The following SLC6A16 variants were observed in gnomAD, a reference collection of about 807,000 sequenced individuals.
SLC6A16 encodes the protein orphan sodium- and chloride-dependent neurotransmitter transporter NTT5.
A neutral mutation model predicts 65.4 loss-of-function variants in SLC6A16; 54 were observed. The ratio of observed to expected loss-of-function variants is 0.83; its 90% CI spans 0.66 to 1.04. SLC6A16 has a LOEUF of 1.04. SLC6A16 is among the 50% of genes least tolerant of loss of function. The pLI, the probability that SLC6A16 is intolerant of heterozygous loss-of-function variation, is 0.00. For synonymous variants in SLC6A16, 330 were observed against 346.5 expected, an observed-to-expected ratio of 0.95 and a Z score of 0.53; for missense variants, 816 against 914.0, an observed-to-expected ratio of 0.89 and a Z score of 1.38.
At chr19:49,324,825 G>A (rs917180166) in intron 1 of SLC6A16, among the ~76,000 whole-genome samples, 1 of 152,236 alleles carries the variant, frequency 6.6e-6, no homozygotes, top group Non-Finnish European at 1.5e-5. Context: ...GACTGGATGA[G>A]TGAGGAGAGC....
At position 49,293,228 on chromosome 19, in the gene SLC6A16, G is replaced by A. The variant is rs534140292; in HGVS notation, c.1773C>T (p.Ala591=). Residue 591 remains alanine (A), a synonymous_variant, in exon 10 of 12, where the codon GCC becomes GCT. Coordinates refer to ENST00000335875, the MANE Select transcript of SLC6A16 (RefSeq NM_014037.3). ...ACCTGGGCTTAGGACATCACCTCCT[G>A]GCCCCATAGGCCCAGGATACAGCCA... ...ETMAVSWAYG[A]RRFLADLTIL... is the part of the protein sequence containing the mutation. 6.2e-7 allele frequency: 1 copy of A among 1,614,024 alleles called. No homozygotes were observed. Among genetic ancestry groups the A allele is most frequent in the African/African-American group, 1.3e-5 (1 of 75,016 alleles).
At position 49,292,384 on chromosome 19, in the gene SLC6A16, G is replaced by T. The variant is rs1390769469; in HGVS notation, c.1778+839C>A. 6.6e-6 allele frequency among the ~76,000 whole-genome samples: 1 copy of T among 152,068 alleles called. No individual in the cohort carries two copies. The highest frequency in any genetic ancestry group is 1.9e-4 in the East Asian group (1 of 5,188). On this transcript the variant is annotated intron_variant, in intron 10 of 11. Coordinates refer to ENST00000335875, the MANE Select transcript of SLC6A16 (RefSeq NM_014037.3). The surrounding 1 kb of genome is among the most constrained non-coding windows in gnomAD (Gnocchi z 4.3). ...TCCATCTCAAAAAGAAAGAAAAAAA[G>T]AAATATTACATAGCTTCCAACTCTT...
rs1568524675 is a variant in SLC6A16, at chr19:49,294,020, C to T, written c.1425G>A (p.Glu475=). ...NIETQFLKAS[E]GPKFAFLSFV... ...AGGACAGGAATGCAAACTTTGGGCCCTCGCTAGCCTGCAAAGAGAACAAAG... is the reference window on the plus strand; with the variant it reads ...AGGACAGGAATGCAAACTTTGGGCCTTCGCTAGCCTGCAAAGAGAACAAAG... Residue 475 remains glutamate, a synonymous_variant, in exon 9 of 12, where the codon GAG becomes GAA. Transcript: ENST00000335875. 8 of 1,611,008 alleles carry T rather than the reference C, an allele frequency of 5.0e-6. No individual in the cohort carries two copies. The highest frequency in any genetic ancestry group is 6.8e-6 in the Non-Finnish European group (8 of 1,179,908).
the SLC6A16 span, chr19:49,339,768 T>C: frequency 2.2e-6 from 3 of 1,378,082 alleles, no homozygotes; most frequent in Non-Finnish European, 2.8e-6. This position sits in a 1 kb window ranked among gnomAD's most constrained non-coding sequence, Gnocchi z 4.5. Flanking sequence ...GCCTGATCGC[T>C]GACGGCGGCG....
chr19:49,318,314 G>A (rs887059958), intron 1 of SLC6A16, among the ~76,000 whole-genome samples: 3 of 151,938 alleles, frequency 2.0e-5, no homozygotes, highest in African/African-American at 7.3e-5. Context: ...ATTTAAAGTG[G>A]CATAAACTAG....
chr19:49,329,850 G>T (rs983231223), upstream of SLC6A16, among the ~76,000 whole-genome samples: 1 of 151,936 alleles, frequency 6.6e-6, no homozygotes, highest in Non-Finnish European at 1.5e-5. Context: ...AGCCAGGATG[G>T]TCTCGATCTC....
rs566279148 is a variant in SLC6A16 at position 49,297,227 on chromosome 19, C to T, written c.1230-2674G>A. 3.3e-5 allele frequency among the ~76,000 whole-genome samples: 5 copies of T among 152,082 alleles called. No homozygotes were observed. The Middle Eastern group carries it at 0.017, about 517-fold the overall frequency. ...AATGCTTACAACTCAATAATTTCACCGCCCAAAAAAAACCCTGATTTTTAA... is the reference window on the plus strand; with the variant it reads ...AATGCTTACAACTCAATAATTTCACTGCCCAAAAAAAACCCTGATTTTTAA... On this transcript the variant is annotated intron_variant, in intron 7 of 11. Transcript: ENST00000335875.
intron 1 of SLC6A16, 85 bp from the exon 2 acceptor site, chr19:49,311,496 A>G (rs1015450037): frequency 2.7e-6 from 2 of 746,864 alleles, no homozygotes; most frequent in Non-Finnish European, 4.0e-6. Flanking sequence ...ATCTCCTTAA[A>G]GCAAATTTTA....
At chr19:49,335,375 G>A in the SLC6A16 span, 2 of 635,788 alleles carry the variant, frequency 3.1e-6, no homozygotes, top group African/African-American at 1.8e-5. The surrounding 1 kb of genome is among the most constrained non-coding windows in gnomAD (Gnocchi z 4.6). Context: ...ACATGAAGCG[G>A]GAGTGGGTGG....
the SLC6A16 span, chr19:49,338,261 G>GC: frequency 8.3e-7 from 1 of 1,200,806 alleles, no homozygotes; most frequent in South Asian, 1.7e-5. The surrounding 1 kb of genome is among the most constrained non-coding windows in gnomAD (Gnocchi z 5.0). Context: ...GAGAGACTCC[G>GC]CCCCCGCCCC....
chr19:49,293,889 C>G lies in SLC6A16; in HGVS notation c.1556G>C (p.Gly519Ala). 1 of 1,613,964 alleles carries G rather than the reference C, an allele frequency of 6.2e-7. No homozygotes were observed. The highest frequency in any genetic ancestry group is 1.1e-5 in the South Asian group (1 of 91,064). The part of the protein sequence containing the change: ...GLSSAIGIMQ[G>A]IITPLQDTFS... ...GGTGTCCTGGAGTGGAGTAATGATG[C>G]CCTGCATAATCCCTATTGCGCTGCT... is the stretch of plus-strand genomic sequence containing the variant. The change falls in exon 9 of 12, where the codon GGC (glycine) becomes GCC (alanine). Residue 519 changes from glycine (G) to alanine (A), a missense_variant. Transcript: ENST00000335875.
chr19:49,336,101 A>T, the SLC6A16 span: 1 of 431,040 alleles, frequency 2.3e-6, no homozygotes, highest in Non-Finnish European at 4.2e-6. Context: ...GATGTCATAC[A>T]GCAAGGACGT....
intron 7 of SLC6A16, among the ~76,000 whole-genome samples, chr19:49,300,474 G>C (rs1466922034): frequency 1.3e-5 from 2 of 152,134 alleles, no homozygotes; most frequent in East Asian, 3.8e-4. Context: ...AATTAAGAAT[G>C]CATATTGTGA....
chr19:49,326,669 C>A (rs572056022), upstream of SLC6A16, among the ~76,000 whole-genome samples: 1 of 152,068 alleles, frequency 6.6e-6, no homozygotes, highest in African/African-American at 2.4e-5. Flanking sequence ...CTTCACACAA[C>A]AAGAAAACAG....
chr19:49,323,587 A>G (rs865960291), intron 1 of SLC6A16, among the ~76,000 whole-genome samples: 4 of 152,346 alleles, frequency 2.6e-5, no homozygotes, highest in South Asian at 2.1e-4. Context: ...AGATATACCA[A>G]TCTCCAAGAA....
chr19:49,302,330 C>T (rs976376333), intron 7 of SLC6A16, among the ~76,000 whole-genome samples: 1 of 152,112 alleles, frequency 6.6e-6, no homozygotes, highest in Non-Finnish European at 1.5e-5. Flanking sequence ...GGGAGGTTCA[C>T]AGCCACTGTG....
chr19:49,292,888 TCTTCCTATCGC>T lies in SLC6A16; in HGVS notation c.1778+324_1778+334del, dbSNP rs1467915927. Among the ~76,000 whole-genome samples, 2 of 152,246 alleles carry T rather than the reference TCTTCCTATCGC, an allele frequency of 1.3e-5. No homozygotes were observed. Among genetic ancestry groups the T allele is most frequent in the Non-Finnish European group, 2.9e-5 (2 of 68,042 alleles). ...GTGCCATCTGACCTCATCCTTTGAT[TCTTCCTATCGC>T]CTGTATTTATTCTCAACGTTTTTAT... is the stretch of plus-strand genomic sequence containing the variant. On this transcript the variant is annotated intron_variant, in intron 10 of 11. Coordinates refer to ENST00000335875, the MANE Select transcript of SLC6A16 (RefSeq NM_014037.3). This position sits in a 1 kb window ranked among gnomAD's most constrained non-coding sequence, Gnocchi z 4.3.
At chr19:49,324,306 G>A (rs1256515409) in intron 1 of SLC6A16, among the ~76,000 whole-genome samples, 1 of 152,126 alleles carries the variant, frequency 6.6e-6, no homozygotes, top group Non-Finnish European at 1.5e-5. Flanking sequence ...ACTCCAGCCT[G>A]GGTGACAGAG....
the SLC6A16 span, chr19:49,338,758 G>A: frequency 6.2e-7 from 1 of 1,613,568 alleles, no homozygotes; most frequent in African/African-American, 1.3e-5. This position sits in a 1 kb window ranked among gnomAD's most constrained non-coding sequence, Gnocchi z 5.0. Flanking sequence ...ATCCTGAGAG[G>A]TAACGGGTCG....
Sources: gnomAD v4.1 joint callset for allele counts (sites outside exome capture counted in the v4.1 genomes callset) on GRCh38, gnomAD v4.1.1 for gene constraint, Gnocchi (gnomAD v3.1) non-coding constraint, MANE v1.5 for transcripts, NCBI Gene and HGNC (gene_info 2026-07-23, HGNC 2026-07-21) for gene names.